The following CDK13 variants were observed in gnomAD, a reference collection of about 807,000 sequenced individuals.
CDK13 encodes the protein cyclin-dependent kinase 13.
A neutral mutation model predicts 137.6 loss-of-function variants in CDK13; 40 were observed. The ratio of observed to expected loss-of-function variants is 0.29; its 90% CI spans 0.23 to 0.38. CDK13 has a LOEUF of 0.38. CDK13 is among the 10% of genes least tolerant of loss of function. The pLI, the probability that CDK13 is intolerant of heterozygous loss-of-function variation, is 1.00. For missense variants in CDK13, 1,704 were observed against 1,951.8 expected (o/e 0.87, Z 2.39); for synonymous variants, 869 against 760.1 (o/e 1.14, Z -2.36).
chr7:39,960,462 TTACCCAGGA>T (rs1039879757), intron 1 of CDK13, among the ~76,000 whole-genome samples: 5 of 152,230 alleles, frequency 3.3e-5, no homozygotes, highest in African/African-American at 1.2e-4. Context: ...TTTCATCATT[TTACCCAGGA>T]TGGTCTTAAT....
At chr7:40,025,626 A>C (rs1243736762) in intron 5 of CDK13, among the ~76,000 whole-genome samples, 2 of 152,276 alleles carry the variant, frequency 1.3e-5, no homozygotes, top group African/African-American at 4.8e-5. Flanking sequence ...ATTTTCTTCC[A>C]TTAGGAATAA....
At chr7:39,986,768 A>G (rs1784346220) in intron 1 of CDK13, 1 of 152,188 alleles carries the variant, frequency 6.6e-6, no homozygotes, top group African/African-American at 2.4e-5. Context: ...CTCATAAGCT[A>G]TTATCTTGTA....
chr7:39,985,001 AC>A (rs1458011164), intron 1 of CDK13: 1 of 137,964 alleles, frequency 7.2e-6, no homozygotes, highest in Admixed American at 7.0e-5. Flanking sequence ...CTGACTAAAA[AC>A]AAAAAAAAAA....
chr7:40,039,434 A>ATTTTTTTTTTTTTTTTTT (rs976319927), intron 5 of CDK13, among the ~76,000 whole-genome samples: 11 of 85,000 alleles, frequency 1.3e-4, no homozygotes, highest in African/African-American at 5.6e-4. Context: ...TGCCCGGCTA[A>ATTTTTTTTTTTTTTTTTT]TTTTTTTTTT....
intron 1 of CDK13, among the ~76,000 whole-genome samples, chr7:39,963,167 A>G (rs1337196043): frequency 2.0e-5 from 3 of 152,236 alleles, no homozygotes; most frequent in East Asian, 1.9e-4. Flanking sequence ...GAAGAAAGTC[A>G]TTGGTAGCTT....
rs1274778312 is a variant in CDK13 at position 39,951,799 on chromosome 7, C to G, written c.1158C>G (p.Pro386=). The G allele has an allele frequency of 6.9e-7, 1 of 1,458,634 alleles. No homozygotes were observed. The highest frequency in any genetic ancestry group is 1.5e-5 in the African/African-American group (1 of 68,114). The allele number at this position is 1,458,634 out of a possible 1,614,324, so 90.4% of individuals were successfully genotyped here. The change falls in exon 1 of 14, where the codon CCC becomes CCG. Residue 386 remains proline, a synonymous_variant. Transcript: ENST00000181839. ...YERGGDVSPS[P]YSSSSWRRSR... ...GGGGCGGCGACGTGTCCCCTAGTCCCTACAGCAGCAGCAGCTGGCGCCGCT... is the reference window on the plus strand; with the variant it reads ...GGGGCGGCGACGTGTCCCCTAGTCCGTACAGCAGCAGCAGCTGGCGCCGCT...
chr7:40,052,533 A>G (rs563173781), intron 7 of CDK13, among the ~76,000 whole-genome samples: 157 of 152,326 alleles, frequency 1.0e-3, no homozygotes, highest in African/African-American at 3.6e-3. Flanking sequence ...TTTTTAAACA[A>G]TAACCAGAAA....
intron 7 of CDK13, among the ~76,000 whole-genome samples, chr7:40,052,430 G>C (rs1247029391): frequency 6.6e-6 from 1 of 152,176 alleles, no homozygotes; most frequent in African/African-American, 2.4e-5. Flanking sequence ...ACCCACCTCT[G>C]CCTCCCAAAG....
At chr7:39,976,218 G>A (rs1784101129) in intron 1 of CDK13, among the ~76,000 whole-genome samples, 2 of 151,786 alleles carry the variant, frequency 1.3e-5, no homozygotes, top group East Asian at 3.9e-4. Flanking sequence ...ACTTGAACCC[G>A]GGAGGCGGAG....
intron 1 of CDK13, among the ~76,000 whole-genome samples, chr7:39,954,680 A>T (rs1218207829): frequency 6.6e-6 from 1 of 152,278 alleles, no homozygotes; most frequent in Non-Finnish European, 1.5e-5. Flanking sequence ...TCCCCAGCCT[A>T]TGCAGAACTT....
intron 1 of CDK13, among the ~76,000 whole-genome samples, chr7:39,967,709 T>C (rs1583919695): frequency 6.6e-6 from 1 of 152,316 alleles, no homozygotes; most frequent in African/African-American, 2.4e-5. Flanking sequence ...ATACCAGCAG[T>C]GCACAAGGGT....
intron 2 of CDK13, among the ~76,000 whole-genome samples, chr7:39,996,881 T>C (rs1300409760): frequency 4.1e-5 from 6 of 145,746 alleles, no homozygotes; most frequent in East Asian, 4.1e-4. Context: ...AGATAATCGC[T>C]TGAACCCAGG....
intron 11 of CDK13, among the ~76,000 whole-genome samples, chr7:40,083,346 G>T (rs1286044298): frequency 6.6e-6 from 1 of 150,802 alleles, no homozygotes; most frequent in Non-Finnish European, 1.5e-5. Context: ...GAGATCACAT[G>T]ATCTAAAGAA....
chr7:40,056,017 C>T (rs778902122), intron 7 of CDK13, among the ~76,000 whole-genome samples: 9 of 152,174 alleles, frequency 5.9e-5, no homozygotes, highest in South Asian at 2.1e-4. Context: ...CATTTGTAAA[C>T]GGTTAACGGG....
intron 1 of CDK13, among the ~76,000 whole-genome samples, chr7:39,963,667 T>A (rs1783802151): frequency 6.6e-6 from 1 of 152,188 alleles, no homozygotes. Flanking sequence ...CTATGTTGAA[T>A]AGTAGTGGTG....
chr7:40,029,285 G>C (rs1033772260), intron 5 of CDK13, among the ~76,000 whole-genome samples: 3 of 151,882 alleles, frequency 2.0e-5, no homozygotes, highest in Non-Finnish European at 4.4e-5. Flanking sequence ...AAAATCATTC[G>C]ATCGTGGTGA....
chr7:40,041,798 G>A (rs1233933199), intron 5 of CDK13, among the ~76,000 whole-genome samples: 4 of 152,188 alleles, frequency 2.6e-5, no homozygotes, highest in South Asian at 2.1e-4. Context: ...GTTACATGGA[G>A]TGGCATAAGA....
intron 5 of CDK13, among the ~76,000 whole-genome samples, chr7:40,030,575 T>G (rs1410677296): frequency 1.3e-5 from 2 of 151,946 alleles, no homozygotes; most frequent in East Asian, 3.9e-4. Flanking sequence ...TAATTTGTAT[T>G]TTTAATACAG....
chr7:40,037,483 T>G (rs1785510117), intron 5 of CDK13, among the ~76,000 whole-genome samples: 1 of 152,204 alleles, frequency 6.6e-6, no homozygotes, highest in Non-Finnish European at 1.5e-5. Flanking sequence ...TTCTCCCAGG[T>G]TGAATGATCT....
Sources: allele counts gnomAD v4.1 joint callset (sites outside exome capture counted in the v4.1 genomes callset), GRCh38; gene constraint gnomAD v4.1.1; transcripts MANE v1.5; gene names NCBI Gene and HGNC (gene_info 2026-07-23, HGNC 2026-07-21).